Variants in ANOS1 observed in about 807,000 individuals in gnomAD.
The protein encoded by ANOS1 is anosmin-1.
ANOS1 carries 6 observed loss-of-function variants against 59.0 expected under a neutral mutation model. The observed-to-expected ratio is 0.10, with a 90% confidence interval of 0.06 to 0.20. The LOEUF (loss-of-function observed/expected upper bound fraction) is 0.20, where lower values mean the gene tolerates loss of function less well. Among genes scored for constraint, ANOS1 ranks in the 10% least tolerant of loss-of-function variants. The pLI, the probability that ANOS1 is intolerant of heterozygous loss-of-function variation, is 1.00. For missense variants in ANOS1, 433 were observed against 542.3 expected (o/e 0.80, Z 2.00); for synonymous variants, 217 against 223.4 (o/e 0.97, Z 0.25).
chrX:8,641,948 G>A (rs1442745785), intron 2 of ANOS1, among the ~76,000 whole-genome samples: 1 of 111,231 alleles, frequency 9.0e-6, no homozygotes, highest in South Asian at 3.7e-4. Context: ...TTTTAATATT[G>A]TAATGTAATT....
In ANOS1 at chrX:8,554,944, T is replaced by C. The variant is rs144960372; in HGVS notation, c.1208-846A>G. ...AATATACATTCTTCTCAGCACCATA[T>C]AGCACTTATTCTAAAATTGACCATG... is the stretch of plus-strand genomic sequence containing the variant. On this transcript the variant is annotated intron_variant, in intron 8 of 13. Transcript: ENST00000262648. Among the ~76,000 whole-genome samples, 260 of 111,152 alleles carry C rather than the reference T, an allele frequency of 2.3e-3. 2 individuals are homozygous for C. Among genetic ancestry groups the C allele is most frequent in the African/African-American group, 8.2e-3 (251 of 30,618 alleles).
At chrX:8,668,430 T>TATATACACAC (rs1394731479) in intron 2 of ANOS1, among the ~76,000 whole-genome samples, 14 of 80,254 alleles carry the variant, frequency 1.7e-4, no homozygotes, top group Non-Finnish European at 3.0e-4. Flanking sequence ...TATATATATA[T>TATATACACAC]ACACACACAT....
intron 2 of ANOS1, among the ~76,000 whole-genome samples, chrX:8,668,538 T>C (rs1341399941): frequency 1.0e-5 from 1 of 100,112 alleles, no homozygotes; most frequent in Non-Finnish European, 2.0e-5. Context: ...TATATATATA[T>C]ATATATGATG....
intron 1 of ANOS1, among the ~76,000 whole-genome samples, chrX:8,724,048 A>G (rs1191910904): frequency 2.7e-5 from 3 of 112,708 alleles, no homozygotes; most frequent in Non-Finnish European, 5.6e-5. Context: ...AATTCAAGTA[A>G]CAGAAAATCT....
chrX:8,539,583 T>C lies in ANOS1; in HGVS notation c.1449+81A>G, dbSNP rs774914860. ...ATAGCTGATTTGTGGGAATGAGTTA[T>C]CTGTTTGACCTGTCTAGTTTGTACA... is the stretch of plus-strand genomic sequence containing the variant. On this transcript the variant is annotated intron_variant, in intron 10 of 13. Transcript: ENST00000262648. 6.7e-6 allele frequency: 8 copies of C among 1,195,813 alleles called. No individual in the cohort carries two copies. The South Asian group carries it at 1.3e-4, about 19-fold the overall frequency.
chrX:8,615,598 C>A (rs1334252248), intron 3 of ANOS1, among the ~76,000 whole-genome samples: 2 of 110,189 alleles, frequency 1.8e-5, no homozygotes, highest in Non-Finnish European at 3.8e-5. Context: ...GTGTCAGTCA[C>A]TCCAGCCTCC....
chrX:8,600,329 C>A (rs1930819452), intron 3 of ANOS1, among the ~76,000 whole-genome samples: 1 of 112,031 alleles, frequency 8.9e-6, no homozygotes, highest in Non-Finnish European at 1.9e-5. Flanking sequence ...AAGTTAAATA[C>A]AATTAAATGC....
intron 13 of ANOS1, 111 bp from the exon 14 acceptor site, chrX:8,533,164 A>C: frequency 1.9e-6 from 1 of 520,666 alleles, no homozygotes. Context: ...GTTCCTTCCT[A>C]TGACCATGTC....
rs1415345174 is a variant in ANOS1 at position 8,531,952 on chromosome X, T to TA, written c.*1042dup. 1 of 111,898 alleles carries TA rather than the reference T, an allele frequency of 8.9e-6. No individual in the cohort carries two copies. Among genetic ancestry groups the TA allele is most frequent in the Non-Finnish European group, 1.9e-5 (1 of 53,209 alleles). The allele number at this position is 111,898 out of a possible 1,213,427, so 9.2% of individuals were successfully genotyped here. A position where few individuals can be genotyped will look rare whatever the true frequency, so the allele number is the denominator to read the frequency against. ...AACATTTCCAAAAAGTAAGATATAC[T>TA]AGATTTGAAAGCATATGGGTGAATT... On this transcript the variant is annotated 3_prime_UTR_variant, in exon 14 of 14. Coordinates refer to ENST00000262648, the MANE Select transcript of ANOS1 (RefSeq NM_000216.4).
Position 8,619,340 on chromosome X carries a change from T to C in ANOS1, c.318+4268A>G, listed in dbSNP as rs763835998. ...ACATTTATTGGCCGGGCAAGGTGGC[T>C]CACGCCTGTAATCCCAGCACTTTGG... On this transcript the variant is annotated intron_variant, in intron 3 of 13. Transcript: ENST00000262648. 9.8e-5 allele frequency among the ~76,000 whole-genome samples: 11 copies of C among 111,868 alleles called. No homozygotes were observed. In the South Asian group the frequency reaches 3.7e-3, roughly 38 times the overall value.
intron 7 of ANOS1, among the ~76,000 whole-genome samples, chrX:8,569,583 A>G (rs1296645386): frequency 1.8e-5 from 2 of 112,018 alleles, no homozygotes; most frequent in African/African-American, 6.5e-5. Flanking sequence ...CGGAGCTTGC[A>G]GTGAGCCGAG....
intron 3 of ANOS1, among the ~76,000 whole-genome samples, chrX:8,603,761 G>A (rs1185307387): frequency 1.8e-5 from 2 of 112,270 alleles, no homozygotes; most frequent in Admixed American, 9.4e-5. Flanking sequence ...TGTACCATAC[G>A]TCAATTCTCT....
intron 2 of ANOS1, among the ~76,000 whole-genome samples, chrX:8,667,311 G>A (rs976324679): frequency 2.7e-5 from 3 of 109,382 alleles, no homozygotes; most frequent in African/African-American, 1.0e-4. Flanking sequence ...TGTTTTTTGC[G>A]GGGGGATGGG....
intron 3 of ANOS1, among the ~76,000 whole-genome samples, chrX:8,617,910 C>G (rs1931204317): frequency 8.9e-6 from 1 of 111,943 alleles, no homozygotes; most frequent in Admixed American, 9.5e-5. Flanking sequence ...CTTTTATTCC[C>G]TGATGAGGGA....
chrX:8,628,527 C>A (rs1360623612), intron 2 of ANOS1, among the ~76,000 whole-genome samples: 1 of 111,636 alleles, frequency 9.0e-6, no homozygotes, highest in Non-Finnish European at 1.9e-5. Flanking sequence ...TGGGGTTTAC[C>A]TTGTGACAAC....
At chrX:8,633,067 T>A (rs1278453800) in intron 2 of ANOS1, among the ~76,000 whole-genome samples, 2 of 111,783 alleles carry the variant, frequency 1.8e-5, no homozygotes, top group African/African-American at 6.5e-5. Flanking sequence ...GTGCACTGTG[T>A]CTTGCCAAAA....
chrX:8,606,383 AAT>A (rs1169798020), intron 3 of ANOS1, among the ~76,000 whole-genome samples: 2 of 112,317 alleles, frequency 1.8e-5, no homozygotes, highest in African/African-American at 6.5e-5. Context: ...TTCAAATAAT[AAT>A]ATGTTAGAAA....
chrX:8,636,224 T>C (rs1004479699), intron 2 of ANOS1, among the ~76,000 whole-genome samples: 3 of 111,765 alleles, frequency 2.7e-5, no homozygotes, highest in African/African-American at 9.8e-5. Context: ...TAAGAAAACA[T>C]TTGATTGGTA....
At chrX:8,677,722 G>T (rs1011722655) in intron 2 of ANOS1, among the ~76,000 whole-genome samples, 10 of 111,736 alleles carry the variant, frequency 8.9e-5, no homozygotes, top group Non-Finnish European at 1.7e-4. Flanking sequence ...CTCTGAAAGG[G>T]CTAAGCATAT....
Sources: allele counts gnomAD v4.1 joint callset (sites outside exome capture counted in the v4.1 genomes callset), GRCh38; gene constraint gnomAD v4.1.1; transcripts MANE v1.5; gene names NCBI Gene and HGNC (gene_info 2026-07-23, HGNC 2026-07-21).